The following UBE2O variants were observed in gnomAD, a reference collection of about 807,000 sequenced individuals.
UBE2O encodes the protein ubiquitin conjugating enzyme E2 O.
Under a neutral mutation model 125.8 loss-of-function variants are expected in UBE2O, and 15 were observed. The ratio of observed to expected loss-of-function variants is 0.12; its 90% CI spans 0.08 to 0.18. The LOEUF (loss-of-function observed/expected upper bound fraction) is 0.18, where lower values mean the gene tolerates loss of function less well. UBE2O is among the 10% of genes least tolerant of loss of function. The probability of loss-of-function intolerance (pLI) is 1.00; values close to 1 mark genes in which losing one functional copy is unlikely to be tolerated. For missense variants in UBE2O, 1,280 were observed against 1,723.6 expected (o/e 0.74, Z 4.56); for synonymous variants, 708 against 703.2 (o/e 1.01, Z -0.11).
chr17:76,446,467 A>C (rs965435384), intron 1 of UBE2O, among the ~76,000 whole-genome samples: 12 of 152,156 alleles, frequency 7.9e-5, no homozygotes, highest in South Asian at 2.1e-4. Context: ...ACAAACAAAA[A>C]AAAAAACCAA....
At position 76,405,729 on chromosome 17, in the gene UBE2O, C is replaced by T. The variant is rs558175602; in HGVS notation, c.418-157G>A. Among the ~76,000 whole-genome samples the T allele has an allele frequency of 3.5e-3, 536 of 152,318 alleles. 4 individuals carry two copies. The highest frequency in any genetic ancestry group is 0.012 in the African/African-American group (505 of 41,572). On this transcript the variant is annotated intron_variant, in intron 1 of 17. Coordinates refer to ENST00000319380, the MANE Select transcript of UBE2O (RefSeq NM_022066.4). The surrounding 1 kb of genome is among the most constrained non-coding windows in gnomAD (Gnocchi z 6.1). The stretch of plus-strand genomic sequence containing the variant: ...GTATCTTCACAGACCGCACACACCT[C>T]CGACCAGCACCCAGACCCACAGGCA...
chr17:76,419,745 G>C (rs1051504378), intron 1 of UBE2O, among the ~76,000 whole-genome samples: 1 of 152,236 alleles, frequency 6.6e-6, no homozygotes, highest in African/African-American at 2.4e-5. Context: ...GGTGGACATG[G>C]TTTCGCCACC....
intron 1 of UBE2O, among the ~76,000 whole-genome samples, chr17:76,416,180 GTGTATA>G (rs919697031): frequency 6.6e-6 from 1 of 151,680 alleles, no homozygotes; most frequent in Admixed American, 6.6e-5. Context: ...ACGTGTGTGT[GTGTATA>G]TGTATATGTG....
intron 1 of UBE2O, among the ~76,000 whole-genome samples, chr17:76,431,994 T>C (rs978173025): frequency 6.6e-6 from 1 of 152,196 alleles, no homozygotes; most frequent in Non-Finnish European, 1.5e-5. Context: ...GCAGCAGGCA[T>C]GGATAAATCC....
chr17:76,419,350 A>C (rs530276024), intron 1 of UBE2O, among the ~76,000 whole-genome samples: 1 of 152,102 alleles, frequency 6.6e-6, no homozygotes, highest in South Asian at 2.1e-4. Context: ...CTACTTAGGA[A>C]TATTTGTCTT....
intron 1 of UBE2O, among the ~76,000 whole-genome samples, chr17:76,445,093 G>A (rs1367107961): frequency 6.6e-6 from 1 of 152,204 alleles, no homozygotes; most frequent in East Asian, 1.9e-4. Flanking sequence ...GAGCTGCTGA[G>A]TGTGAAAAGA....
At position 76,397,251 on chromosome 17, in the gene UBE2O, G is replaced by A. The variant is rs183432141; in HGVS notation, c.2116-430C>T. ...TAGAAGGGCCGACATATCCTGCTGCGTTCCCTGGAATGGCCGTTAAGGTGA... is the reference window on the plus strand; with the variant it reads ...TAGAAGGGCCGACATATCCTGCTGCATTCCCTGGAATGGCCGTTAAGGTGA... On this transcript the variant is annotated intron_variant, in intron 13 of 17. Transcript: ENST00000319380. Among the ~76,000 whole-genome samples the A allele has an allele frequency of 3.6e-4, 55 of 152,328 alleles. 1 individual carries two copies. The East Asian group carries it at 6.0e-3, about 17-fold the overall frequency.
At chr17:76,392,592 G>T (rs982360705) in intron 15 of UBE2O, among the ~76,000 whole-genome samples, 1 of 151,992 alleles carries the variant, frequency 6.6e-6, no homozygotes, top group African/African-American at 2.4e-5. Flanking sequence ...TTGAACCCTG[G>T]CTAAGAGAAA....
rs1376263395 is a variant in UBE2O at position 76,391,565 on chromosome 17, C to A, written c.3257G>T (p.Ser1086Ile). 6.2e-7 allele frequency: 1 copy of A among 1,614,158 alleles called. No individual in the cohort carries two copies. The highest frequency in any genetic ancestry group is 2.2e-5 in the East Asian group (1 of 44,886). The change falls in exon 18 of 18, where the codon AGT (serine) becomes ATT (isoleucine). Residue 1086 changes from serine (S) to isoleucine (I), a missense_variant. Coordinates refer to ENST00000319380, the MANE Select transcript of UBE2O (RefSeq NM_022066.4). The surrounding 1 kb of genome is among the most constrained non-coding windows in gnomAD (Gnocchi z 8.4). ...EPYYNEAGFDSDRGLQEGYEN... is the reference protein window; with the variant it reads ...EPYYNEAGFDIDRGLQEGYEN... ...ATAGCCTTCCTGCAGGCCTCGGTCA[C>A]TGTCGAAGCCGGCTTCGTTGTAGTA... is the stretch of plus-strand genomic sequence containing the variant.
At position 76,391,841 on chromosome 17, in the gene UBE2O, T is replaced by C. The variant is rs747671147; in HGVS notation, c.3151-28A>G. 4 of 1,614,016 alleles carry C rather than the reference T, an allele frequency of 2.5e-6. No homozygotes were observed. In the East Asian group the frequency reaches 6.7e-5, roughly 27 times the overall value. On this transcript the variant is annotated intron_variant, in intron 16 of 17. Coordinates refer to ENST00000319380, the MANE Select transcript of UBE2O (RefSeq NM_022066.4). The surrounding 1 kb of genome is among the most constrained non-coding windows in gnomAD (Gnocchi z 8.4). ...GAAACACACAGGGCACCATCAATTC[T>C]GTTCCCCAGGCCCCTATCCACCAGT...
Position 76,396,683 on chromosome 17 carries a change from G to T in UBE2O, c.2254C>A (p.His752Asn). ...ETDNGLVEDE[H>N]PKIEEPPIPP... ...ATGGGGGGCTCCTCTATCTTGGGGT[G>T]CTCGTCCTCCACCAGCCCATTGTCC... is the stretch of plus-strand genomic sequence containing the variant. The change falls in exon 14 of 18, where the codon CAC becomes AAC. Residue 752 changes from histidine (H) to asparagine (N), a missense_variant. His to Asn is a moderately conservative substitution (Grantham distance 68). Transcript: ENST00000319380. The surrounding 1 kb of genome is among the most constrained non-coding windows in gnomAD (Gnocchi z 6.7). The T allele has an allele frequency of 6.2e-7, 1 of 1,613,820 alleles. No individual in the cohort carries two copies. The highest frequency in any genetic ancestry group is 8.5e-7 in the Non-Finnish European group (1 of 1,180,004).
rs1022463873 is a variant in UBE2O, at chr17:76,400,064, G to A, written c.1155+83C>T. On this transcript the variant is annotated intron_variant, in intron 8 of 17. Coordinates refer to ENST00000319380, the MANE Select transcript of UBE2O (RefSeq NM_022066.4). The surrounding 1 kb of genome is among the most constrained non-coding windows in gnomAD (Gnocchi z 4.3). ...TCAGGGCTGCCCCCCAAGGCCTAAA[G>A]CACAGACTGTCCTTCTTGGCCATGG... 1.3e-6 allele frequency: 2 copies of A among 1,557,492 alleles called. No individual in the cohort carries two copies. Among genetic ancestry groups the A allele is most frequent in the African/African-American group, 2.7e-5 (2 of 73,584 alleles).
Position 76,398,637 on chromosome 17 carries a change from C to T in UBE2O, c.1784-53G>A. On this transcript the variant is annotated intron_variant, in intron 10 of 17. Transcript: ENST00000319380. The surrounding 1 kb of genome is among the most constrained non-coding windows in gnomAD (Gnocchi z 5.4). ...TAGCTAAGGGATCCCGGCTAAGGAG[C>T]CCACATCTCAAGCCAGTGCAGAGTG... 1 of 1,575,414 alleles carries T rather than the reference C, an allele frequency of 6.3e-7. No homozygotes were observed. Among genetic ancestry groups the T allele is most frequent in the Non-Finnish European group, 8.7e-7 (1 of 1,147,912 alleles).
chr17:76,433,867 TAAAAA>T (rs1305898899), intron 1 of UBE2O, among the ~76,000 whole-genome samples: 3 of 152,120 alleles, frequency 2.0e-5, no homozygotes, highest in Admixed American at 6.5e-5. Flanking sequence ...ACAAAAAACT[TAAAAA>T]GAAATGAAAA....
chr17:76,452,169 A>T lies in UBE2O; in HGVS notation c.417+556T>A, dbSNP rs1308709838. Among the ~76,000 whole-genome samples, 1 of 152,196 alleles carries T rather than the reference A, an allele frequency of 6.6e-6. No individual in the cohort carries two copies. Among genetic ancestry groups the T allele is most frequent in the African/African-American group, 2.4e-5 (1 of 41,444 alleles). On this transcript the variant is annotated intron_variant, in intron 1 of 17. Transcript: ENST00000319380. This position sits in a 1 kb window ranked among gnomAD's most constrained non-coding sequence, Gnocchi z 4.4. Reference sequence around the variant, plus strand: ...CTCACAAAGTTCCCTGCAGCAATTAAAAGGAGGCAGCAGGGTAAAACAAAA... The same window carrying T: ...CTCACAAAGTTCCCTGCAGCAATTATAAGGAGGCAGCAGGGTAAAACAAAA...
rs1567827758 is a variant in UBE2O, at chr17:76,391,148, T to C, written c.3674A>G (p.Asp1225Gly). Residue 1225 changes from aspartate to glycine, a missense_variant, in exon 18 of 18, where the codon GAC becomes GGC. By Grantham distance (94) the Asp-to-Gly change is moderately conservative. This residue lies in a region of UBE2O where 233 missense variants were observed against 279.0 expected (regional missense o/e 0.84). Coordinates refer to ENST00000319380, the MANE Select transcript of UBE2O (RefSeq NM_022066.4). The surrounding 1 kb of genome is among the most constrained non-coding windows in gnomAD (Gnocchi z 8.4). ...HTDQTSETAP[D>G]ASVPPSVKPK... is the part of the protein sequence containing the mutation. ...TTTCACACTGGGTGGCACCGATGCG[T>C]CTGGTGCGGTCTCCGAAGTCTGGTC... The C allele has an allele frequency of 6.2e-7, 1 of 1,613,850 alleles. No homozygotes were observed.
chr17:76,419,123 A>ATTTT (rs10647924), intron 1 of UBE2O, among the ~76,000 whole-genome samples: 2,268 of 145,754 alleles, frequency 0.016, 51 homozygotes, highest in African/African-American at 0.051. Flanking sequence ...ATCTCTACAG[A>ATTTT]TTTTTTTTTT....
intron 1 of UBE2O, among the ~76,000 whole-genome samples, chr17:76,416,029 GTA>G (rs150981902): frequency 0.025 from 3,692 of 149,672 alleles, 73 homozygotes; most frequent in Non-Finnish European, 0.037. Flanking sequence ...GTACACACAC[GTA>G]TATATGTGTG....
intron 1 of UBE2O, among the ~76,000 whole-genome samples, chr17:76,434,172 CA>C (rs2072947005): frequency 6.6e-6 from 1 of 152,148 alleles, no homozygotes; most frequent in Admixed American, 6.5e-5. Context: ...TAAGGGGCTC[CA>C]GCGAAATGAC....
Sources: gnomAD v4.1 joint callset for allele counts (sites outside exome capture counted in the v4.1 genomes callset) on GRCh38, gnomAD v4.1.1 for gene constraint, gnomAD v4.1.1 regional missense constraint, Gnocchi (gnomAD v3.1) non-coding constraint, MANE v1.5 for transcripts, NCBI Gene and HGNC (gene_info 2026-07-23, HGNC 2026-07-21) for gene names.